Variants in CMSS1 observed in about 807,000 individuals in gnomAD.
CMSS1 encodes the protein cms1 ribosomal small subunit homolog.
CMSS1 carries 33 observed loss-of-function variants against 43.5 expected under a neutral mutation model. That is an observed-to-expected ratio of 0.76 (90% CI 0.57 to 1.01). CMSS1 has a LOEUF of 1.01. CMSS1 is among the 50% of genes least tolerant of loss of function. CMSS1 has a pLI of 0.00. For synonymous variants in CMSS1, 115 were observed against 117.2 expected, an observed-to-expected ratio of 0.98 and a Z score of 0.12; for missense variants, 313 against 326.4, an observed-to-expected ratio of 0.96 and a Z score of 0.32.
At chr3:99,918,098 C>T (rs1249545896) in intron 1 of CMSS1, among the ~76,000 whole-genome samples, 1 of 152,114 alleles carries the variant, frequency 6.6e-6, no homozygotes, top group Non-Finnish European at 1.5e-5. Flanking sequence ...CTGCCTCAGC[C>T]TCCTGAGTAG....
At chr3:99,847,868 T>A (rs1210838775) in intron 1 of CMSS1, 14 of 862,376 alleles carry the variant, frequency 1.6e-5, no homozygotes, top group Non-Finnish European at 2.0e-5. Flanking sequence ...AAGACAAAAT[T>A]CTATTGTACA....
At chr3:99,838,112 C>G (rs1036799132) in intron 1 of CMSS1, among the ~76,000 whole-genome samples, 9 of 152,144 alleles carry the variant, frequency 5.9e-5, no homozygotes, top group African/African-American at 2.2e-4. Context: ...GCATTTGTGC[C>G]CTTTGCTTAT....
chr3:100,024,592 T>C (rs2064884300), intron 1 of CMSS1, among the ~76,000 whole-genome samples: 2 of 152,158 alleles, frequency 1.3e-5, no homozygotes, highest in Non-Finnish European at 1.5e-5. Flanking sequence ...TATGTAATTA[T>C]AGTAACAAAT....
At chr3:100,098,515 T>C (rs564583237) in intron 1 of CMSS1, among the ~76,000 whole-genome samples, 3 of 152,352 alleles carry the variant, frequency 2.0e-5, no homozygotes, top group Admixed American at 6.5e-5. Flanking sequence ...CAAGAATTGT[T>C]AGCTATAATT....
At position 99,869,011 on chromosome 3, in the gene CMSS1, C is replaced by G. The variant is rs965269438; in HGVS notation, c.64+50968C>G. On this transcript the variant is annotated intron_variant, in intron 1 of 9. Coordinates refer to ENST00000421999, the MANE Select transcript of CMSS1 (RefSeq NM_032359.4). Reference sequence around the variant, plus strand: ...GGGTTGAACTCTGTGCATACTTGACCAAATGATAGAGAGGTAAAAAGAACC... The same window carrying G: ...GGGTTGAACTCTGTGCATACTTGACGAAATGATAGAGAGGTAAAAAGAACC... Among the ~76,000 whole-genome samples the G allele has an allele frequency of 2.0e-4, 31 of 152,106 alleles. 1 individual carries two copies.
Position 100,172,324 on chromosome 3 carries a change from G to T in CMSS1, c.588G>T (p.Ala196=), listed in dbSNP as rs750330461. The T allele has an allele frequency of 1.2e-6, 2 of 1,613,466 alleles. No homozygotes were observed. The highest frequency in any genetic ancestry group is 1.7e-6 in the Non-Finnish European group (2 of 1,179,676). ...KLFAKHIKVQ[A]QVKLLEKRVV... ...CTTTCATCTTGGAACAGGTCCAGGC[G>T]CAGGTAAAGTTGCTGGAGAAGCGTG... The change falls in exon 8 of 10, where the codon GCG becomes GCT. Residue 196 remains alanine, a synonymous_variant. Transcript: ENST00000421999.
intron 1 of CMSS1, among the ~76,000 whole-genome samples, chr3:99,943,272 G>A (rs1707904912): frequency 6.6e-6 from 1 of 152,184 alleles, no homozygotes; most frequent in South Asian, 2.1e-4. Context: ...TTCAAAGGAG[G>A]TTTGAAGACA....
intron 1 of CMSS1, among the ~76,000 whole-genome samples, chr3:99,951,512 C>T (rs569942552): frequency 2.6e-5 from 4 of 152,086 alleles, no homozygotes; most frequent in East Asian, 1.9e-4. Context: ...TGGTAAAAAT[C>T]GCTTGGACTT....
intron 1 of CMSS1, among the ~76,000 whole-genome samples, chr3:100,117,417 G>A (rs562147627): frequency 6.6e-5 from 10 of 152,046 alleles, no homozygotes; most frequent in Admixed American, 3.9e-4. Flanking sequence ...TCTGACTTCC[G>A]AGGCCTAACT....
intron 6 of CMSS1, among the ~76,000 whole-genome samples, chr3:100,168,086 T>C (rs1341799051): frequency 6.6e-6 from 1 of 152,224 alleles, no homozygotes; most frequent in Non-Finnish European, 1.5e-5. Flanking sequence ...AGATCAGGAC[T>C]ACTTTTAAAA....
At chr3:100,073,272 A>G (rs2065792142) in intron 1 of CMSS1, among the ~76,000 whole-genome samples, 1 of 152,176 alleles carries the variant, frequency 6.6e-6, no homozygotes, top group Admixed American at 6.5e-5. Context: ...GACTATTTTC[A>G]TCCTACAACA....
At chr3:99,859,357 TATG>T in intron 1 of CMSS1, among the ~76,000 whole-genome samples, 1 of 152,366 alleles carries the variant, frequency 6.6e-6, no homozygotes, top group African/African-American at 2.4e-5. Context: ...AACCAAATAG[TATG>T]ATGATACCAA....
At chr3:99,959,776 A>G (rs1229425634) in intron 1 of CMSS1, among the ~76,000 whole-genome samples, 1 of 152,218 alleles carries the variant, frequency 6.6e-6, no homozygotes, top group African/African-American at 2.4e-5. Context: ...ATAATTGTAT[A>G]GAAAACAATT....
At chr3:99,856,835 CTGAG>C (rs1393054738) in intron 1 of CMSS1, among the ~76,000 whole-genome samples, 3 of 152,190 alleles carry the variant, frequency 2.0e-5, no homozygotes, top group East Asian at 3.8e-4. Context: ...CTGTGAGACA[CTGAG>C]TATTAGTAAT....
intron 1 of CMSS1, among the ~76,000 whole-genome samples, chr3:100,013,383 A>G (rs1710223793): frequency 6.6e-6 from 1 of 152,052 alleles, no homozygotes. Flanking sequence ...AGCTGGGATT[A>G]CAGTCACATA....
At chr3:99,877,856 T>C (rs552851690) in intron 1 of CMSS1, among the ~76,000 whole-genome samples, 1 of 152,316 alleles carries the variant, frequency 6.6e-6, no homozygotes, top group East Asian at 1.9e-4. Context: ...AGCATACTTT[T>C]ACCCCAAAGC....
At chr3:99,821,853 C>T (rs1286797185) in intron 1 of CMSS1, among the ~76,000 whole-genome samples, 1 of 152,082 alleles carries the variant, frequency 6.6e-6, no homozygotes, top group Non-Finnish European at 1.5e-5. Context: ...TGAGACCAGC[C>T]TGGCCAACAT....
intron 1 of CMSS1, among the ~76,000 whole-genome samples, chr3:99,931,466 G>C (rs1389026174): frequency 1.3e-5 from 2 of 152,114 alleles, no homozygotes; most frequent in East Asian, 3.8e-4. Context: ...CTTTAAAATT[G>C]TTGGGAGCTT....
intron 1 of CMSS1, among the ~76,000 whole-genome samples, chr3:100,016,804 T>C (rs142716499): frequency 9.1e-4 from 139 of 152,336 alleles, no homozygotes; most frequent in African/African-American, 3.1e-3. Flanking sequence ...ATTTCCTTTA[T>C]CTCTTTTCTT....
Sources: allele counts gnomAD v4.1 joint callset (sites outside exome capture counted in the v4.1 genomes callset), GRCh38; gene constraint gnomAD v4.1.1; transcripts MANE v1.5; gene names NCBI Gene and HGNC (gene_info 2026-07-23, HGNC 2026-07-21).